Variants in PRKN observed in about 807,000 individuals in gnomAD.
PRKN encodes parkin RBR E3 ubiquitin protein ligase.
PRKN carries 56 observed loss-of-function variants against 59.5 expected under a neutral mutation model. That is an observed-to-expected ratio of 0.94 (90% CI 0.76 to 1.18). The LOEUF (loss-of-function observed/expected upper bound fraction) is 1.18. PRKN is among the 50% of genes most tolerant of loss of function. The pLI, the probability that PRKN is intolerant of heterozygous loss-of-function variation, is 0.00. For synonymous variants in PRKN, 250 were observed against 222.1 expected (o/e 1.13, Z -1.12); for missense variants, 657 against 596.4 (o/e 1.10, Z -1.06).
intron 7 of PRKN, chr6:161,716,077 A>G: frequency 7.5e-7 from 1 of 1,338,866 alleles, no homozygotes; most frequent in Non-Finnish European, 9.9e-7. Flanking sequence ...CATCTTACCG[A>G]CTCCTCTCCT....
intron 1 of PRKN, among the ~76,000 whole-genome samples, chr6:162,627,441 T>G (rs1220236329): frequency 1.3e-5 from 2 of 152,138 alleles, no homozygotes; most frequent in African/African-American, 4.8e-5. Flanking sequence ...GCTGCCTACT[T>G]TGGAGTTTAT....
At chr6:161,696,161 A>T (rs1786015033) in intron 7 of PRKN, among the ~76,000 whole-genome samples, 1 of 152,240 alleles carries the variant, frequency 6.6e-6, no homozygotes, top group Admixed American at 6.5e-5. Flanking sequence ...CAATCAGTAG[A>T]TAAAAAGGGC....
intron 6 of PRKN, among the ~76,000 whole-genome samples, chr6:161,827,508 A>AGT (rs1792294629): frequency 6.4e-5 from 7 of 109,464 alleles, no homozygotes; most frequent in Non-Finnish European, 1.1e-4. Context: ...AATTGATTTT[A>AGT]CTTTTTTTTT....
intron 2 of PRKN, among the ~76,000 whole-genome samples, chr6:162,422,653 A>G (rs1318377380): frequency 3.9e-5 from 6 of 152,188 alleles, no homozygotes; most frequent in African/African-American, 1.2e-4. Flanking sequence ...ATTAAGAGTC[A>G]TAAGAAGGAG....
chr6:161,576,033 T>TC lies in PRKN; in HGVS notation c.872-6618dup, dbSNP rs1373995940. On this transcript the variant is annotated intron_variant, in intron 7 of 11. Transcript: ENST00000366898. The surrounding 1 kb of genome is among the most constrained non-coding windows in gnomAD (Gnocchi z 4.6). ...AGGAATCCAGTGGGCGGCTTGCTAC[T>TC]CCAGCTAAGCCAGGTTGATTAGGGT... 6.6e-6 allele frequency among the ~76,000 whole-genome samples: 1 copy of TC among 152,166 alleles called. No individual in the cohort carries two copies. The highest frequency in any genetic ancestry group is 6.5e-5 in the Admixed American group (1 of 15,274).
chr6:162,152,451 T>C (rs1782314089), intron 4 of PRKN, among the ~76,000 whole-genome samples: 1 of 152,188 alleles, frequency 6.6e-6, no homozygotes, highest in African/African-American at 2.4e-5. Flanking sequence ...CATTTCTCTA[T>C]AGGTAAGCCC....
chr6:161,908,414 T>C (rs1394782180), intron 6 of PRKN, among the ~76,000 whole-genome samples: 1 of 152,220 alleles, frequency 6.6e-6, no homozygotes, highest in Non-Finnish European at 1.5e-5. Flanking sequence ...GGGAGGAATA[T>C]CTTCTAAATT....
At chr6:161,482,892 TTAAG>T (rs1362105778) in intron 9 of PRKN, among the ~76,000 whole-genome samples, 1 of 152,220 alleles carries the variant, frequency 6.6e-6, no homozygotes, top group Admixed American at 6.5e-5. Flanking sequence ...CATAAGCACT[TTAAG>T]TATTTTAGCT....
chr6:161,375,389 T>C (rs9458238), intron 10 of PRKN, among the ~76,000 whole-genome samples: 70,222 of 152,050 alleles, frequency 0.46, 17,756 homozygotes, highest in African/African-American at 0.67. Flanking sequence ...GCGTGTGGTG[T>C]CACTGTGTGT....
chr6:162,081,744 C>A (rs1779070679), intron 4 of PRKN, among the ~76,000 whole-genome samples: 1 of 152,102 alleles, frequency 6.6e-6, no homozygotes, highest in Non-Finnish European at 1.5e-5. Context: ...TTCTTTGAAG[C>A]ATTAAAGCCA....
intron 5 of PRKN, among the ~76,000 whole-genome samples, chr6:162,010,245 T>TA (rs537036966): frequency 1.7e-5 from 2 of 119,104 alleles, no homozygotes; most frequent in Non-Finnish European, 3.6e-5. Flanking sequence ...TATATATTTA[T>TA]TATACATAAT....
intron 6 of PRKN, among the ~76,000 whole-genome samples, chr6:161,941,564 C>T (rs1197638782): frequency 6.6e-6 from 1 of 152,208 alleles, no homozygotes; most frequent in Non-Finnish European, 1.5e-5. Flanking sequence ...AGAGAAAGTC[C>T]TCTGTCTTTG....
intron 1 of PRKN, among the ~76,000 whole-genome samples, chr6:162,457,021 T>C (rs1790908414): frequency 6.6e-6 from 1 of 152,152 alleles, no homozygotes; most frequent in African/African-American, 2.4e-5. Context: ...TTGTTTGCAG[T>C]ACGAAAGTTG....
At chr6:162,345,744 CTT>C (rs2128129545) in intron 2 of PRKN, among the ~76,000 whole-genome samples, 1 of 152,258 alleles carries the variant, frequency 6.6e-6, no homozygotes, top group South Asian at 2.1e-4. Context: ...ATTTATATGA[CTT>C]ATCGTTATAT....
In PRKN at chr6:161,395,762, C is replaced by T. The variant is rs1488679495; in HGVS notation, c.1084-8885G>A. On this transcript the variant is annotated intron_variant, in intron 9 of 11. Transcript: ENST00000366898. This position sits in a 1 kb window ranked among gnomAD's most constrained non-coding sequence, Gnocchi z 5.0. The stretch of plus-strand genomic sequence containing the variant: ...TCTGACCACGTTTAAGTCTTGTCTA[C>T]ACAGCCAAAGCTGGGTCAGGAGTGG... Among the ~76,000 whole-genome samples the T allele has an allele frequency of 6.6e-6, 1 of 152,222 alleles. No homozygotes were observed. Among genetic ancestry groups the T allele is most frequent in the African/African-American group, 2.4e-5 (1 of 41,458 alleles).
intron 6 of PRKN, among the ~76,000 whole-genome samples, chr6:161,854,082 C>CT: frequency 1.3e-5 from 1 of 77,636 alleles, no homozygotes; most frequent in South Asian, 4.5e-4. Flanking sequence ...CCTGTTTCTA[C>CT]ATAAAAAAAA....
intron 2 of PRKN, among the ~76,000 whole-genome samples, chr6:162,393,916 T>C (rs1233418491): frequency 6.6e-6 from 1 of 152,208 alleles, no homozygotes; most frequent in African/African-American, 2.4e-5. Flanking sequence ...CACTAAACCA[T>C]ATTATTTCTC....
At chr6:162,380,786 T>C (rs1786438367) in intron 2 of PRKN, among the ~76,000 whole-genome samples, 2 of 151,998 alleles carry the variant, frequency 1.3e-5, no homozygotes, top group East Asian at 1.9e-4. Flanking sequence ...CAATTTCAAC[T>C]GGCGCTCAGT....
intron 1 of PRKN, among the ~76,000 whole-genome samples, chr6:162,667,828 G>T (rs182548808): frequency 2.2e-4 from 33 of 152,192 alleles, no homozygotes. Flanking sequence ...TCTATAAGAT[G>T]GGGTTAATAT....
Sources: gnomAD v4.1 joint callset for allele counts (sites outside exome capture counted in the v4.1 genomes callset) on GRCh38, gnomAD v4.1.1 for gene constraint, Gnocchi (gnomAD v3.1) non-coding constraint, MANE v1.5 for transcripts, NCBI Gene and HGNC (gene_info 2026-07-23, HGNC 2026-07-21) for gene names.